PRMT8: variants seen among roughly 807,000 people sequenced by gnomAD.
PRMT8 encodes the protein protein arginine methyltransferase 8, also known as protein arginine N-methyltransferase 8.
Under a neutral mutation model 47.1 loss-of-function variants are expected in PRMT8, and 7 were observed. That is an observed-to-expected ratio of 0.15 (90% CI 0.08 to 0.28). The LOEUF (loss-of-function observed/expected upper bound fraction) is 0.28. PRMT8 is among the 10% of genes least tolerant of loss of function. The probability of loss-of-function intolerance (pLI) is 1.00; values close to 1 mark genes in which losing one functional copy is unlikely to be tolerated. For synonymous variants in PRMT8, 188 were observed against 186.5 expected (o/e 1.01, Z -0.07); for missense variants, 237 against 505.4 (o/e 0.47, Z 5.09).
At chr12:3,386,673 T>G (rs1254991321) in intron 1 of PRMT8, among the ~76,000 whole-genome samples, 2 of 152,186 alleles carry the variant, frequency 1.3e-5, no homozygotes, top group African/African-American at 2.4e-5. Flanking sequence ...CACACAGTGT[T>G]CATCAAGGTG....
intron 1 of PRMT8, among the ~76,000 whole-genome samples, chr12:3,440,144 T>C (rs770003568): frequency 1.7e-4 from 26 of 152,200 alleles, no homozygotes; most frequent in Non-Finnish European, 2.9e-4. Flanking sequence ...ACCTTGATAA[T>C]TGATGATTAT....
intron 2 of PRMT8, among the ~76,000 whole-genome samples, chr12:3,546,638 A>G (rs1459417068): frequency 1.3e-5 from 2 of 152,228 alleles, no homozygotes; most frequent in African/African-American, 4.8e-5. Context: ...ATGCATTGAA[A>G]GCTAAAATAA....
chr12:3,467,239 CAAAAAAAAA>C (rs10694948), intron 1 of PRMT8, among the ~76,000 whole-genome samples: 1 of 48,818 alleles, frequency 2.0e-5, no homozygotes, highest in Non-Finnish European at 3.1e-5. Flanking sequence ...GACTCCATCT[CAAAAAAAAA>C]AAAAAAAAAA....
rs67295103 is a variant in PRMT8, at chr12:3,563,928, G to GCC, written c.482-4773_482-4772dup. Among the ~76,000 whole-genome samples, 482 of 151,632 alleles carry GCC rather than the reference G, an allele frequency of 3.2e-3. 6 individuals are homozygous for GCC. The highest frequency in any genetic ancestry group is 0.015 in the East Asian group (77 of 5,118). ...AATATCTTTTGTCTCTTAACCCAAT[G>GCC]CCCCCCACCTTTTTTCCTTCAACAT... On this transcript the variant is annotated intron_variant, in intron 4 of 9. Transcript: ENST00000382622.
upstream of PRMT8, among the ~76,000 whole-genome samples, chr12:3,486,646 A>G (rs953625271): frequency 6.6e-6 from 1 of 152,178 alleles, no homozygotes; most frequent in Non-Finnish European, 1.5e-5. Context: ...CAGTAGAAAA[A>G]GCTAATTCTG....
At chr12:3,537,901 G>T (rs1866146391) in intron 1 of PRMT8, among the ~76,000 whole-genome samples, 2 of 152,100 alleles carry the variant, frequency 1.3e-5, no homozygotes, top group African/African-American at 4.8e-5. Flanking sequence ...GGCCCCTCCT[G>T]TGTGCTGCTA....
chr12:3,390,550 A>G (rs1864183652), intron 1 of PRMT8, among the ~76,000 whole-genome samples: 1 of 152,186 alleles, frequency 6.6e-6, no homozygotes, highest in Non-Finnish European at 1.5e-5. Flanking sequence ...CAGTAACCCT[A>G]ATAGTAGCTA....
chr12:3,456,056 C>G lies in PRMT8; in HGVS notation c.48+74614C>G, dbSNP rs1864970353. Among the ~76,000 whole-genome samples the G allele has an allele frequency of 6.6e-6, 1 of 152,184 alleles. No individual in the cohort carries two copies. Among genetic ancestry groups the G allele is most frequent in the African/African-American group, 2.4e-5 (1 of 41,434 alleles). On this transcript the variant is annotated intron_variant, in intron 1 of 9. Transcript: ENST00000452611. The surrounding 1 kb of genome is among the most constrained non-coding windows in gnomAD (Gnocchi z 4.2). The stretch of plus-strand genomic sequence containing the variant: ...GTAAAATGAGGATAGTAAGTCACAC[C>G]TCACAGGGAAACTGAGGCTGACGCA...
chr12:3,496,212 A>ATTTTTTTTTTTTTTTTTTTTT (rs1444249290), intron 1 of PRMT8, among the ~76,000 whole-genome samples: 4 of 19,394 alleles, frequency 2.1e-4, no homozygotes, highest in Admixed American at 7.6e-4. Context: ...ATATATATAT[A>ATTTTTTTTTTTTTTTTTTTTT]TATTTTTTTT....
chr12:3,532,429 G>A (rs1388927652), intron 1 of PRMT8, among the ~76,000 whole-genome samples: 1 of 150,140 alleles, frequency 6.7e-6, no homozygotes, highest in African/African-American at 2.4e-5. Context: ...GGCCAACATG[G>A]TGAAACCCCG....
chr12:3,425,936 T>C (rs1864599441), intron 1 of PRMT8, among the ~76,000 whole-genome samples: 1 of 152,248 alleles, frequency 6.6e-6, no homozygotes, highest in Non-Finnish European at 1.5e-5. Flanking sequence ...ACTGCATCCC[T>C]TCAGGTCTCC....
At chr12:3,432,751 C>A (rs1313045319) in intron 1 of PRMT8, among the ~76,000 whole-genome samples, 1 of 152,020 alleles carries the variant, frequency 6.6e-6, no homozygotes, top group African/African-American at 2.4e-5. Context: ...AGAAAAAATT[C>A]TTTTTTTGTG....
At chr12:3,520,323 A>G (rs1436475317) in intron 1 of PRMT8, among the ~76,000 whole-genome samples, 1 of 152,224 alleles carries the variant, frequency 6.6e-6, no homozygotes, top group Admixed American at 6.5e-5. Context: ...CCCATCAGGG[A>G]AGGAGCCACA....
chr12:3,545,266 A>G (rs1447843678), intron 2 of PRMT8, among the ~76,000 whole-genome samples: 2 of 152,194 alleles, frequency 1.3e-5, no homozygotes, highest in African/African-American at 4.8e-5. Flanking sequence ...TGGGATTTGA[A>G]TGCTCTAGAG....
chr12:3,462,674 T>C (rs1865054493), intron 1 of PRMT8: 1 of 151,980 alleles, frequency 6.6e-6, no homozygotes, highest in South Asian at 2.1e-4. Context: ...TCTGCTTTCG[T>C]TGAGTGTCAG....
At position 3,570,254 on chromosome 12, in the gene PRMT8, A is replaced by G. The variant is rs941592262; in HGVS notation, c.712+690A>G. On this transcript the variant is annotated intron_variant, in intron 6 of 9. Transcript: ENST00000382622. This position sits in a 1 kb window ranked among gnomAD's most constrained non-coding sequence, Gnocchi z 5.5. ...CCCCGCAATGTTTTACCTGGTCTGAAAAGGGCTGTTATCCTATTTCTCGTA... is the reference window on the plus strand; with the variant it reads ...CCCCGCAATGTTTTACCTGGTCTGAGAAGGGCTGTTATCCTATTTCTCGTA... Among the ~76,000 whole-genome samples, 1 of 152,194 alleles carries G rather than the reference A, an allele frequency of 6.6e-6. No individual in the cohort carries two copies. Among genetic ancestry groups the G allele is most frequent in the Non-Finnish European group, 1.5e-5 (1 of 68,032 alleles).
intron 1 of PRMT8, among the ~76,000 whole-genome samples, chr12:3,537,411 G>T (rs573441820): frequency 6.6e-6 from 1 of 152,106 alleles, no homozygotes; most frequent in Non-Finnish European, 1.5e-5. Context: ...AGCTCTCTAC[G>T]TATTAAGGGC....
chr12:3,419,806 C>T (rs929134529), intron 1 of PRMT8, among the ~76,000 whole-genome samples: 8 of 151,986 alleles, frequency 5.3e-5, no homozygotes, highest in African/African-American at 1.7e-4. Flanking sequence ...TCACAAGGCT[C>T]GCATCCTTTC....
intron 1 of PRMT8, among the ~76,000 whole-genome samples, chr12:3,513,151 A>G (rs1349000529): frequency 6.6e-6 from 1 of 152,192 alleles, no homozygotes; most frequent in Non-Finnish European, 1.5e-5. Flanking sequence ...ATAGAGATAG[A>G]GTGAAGCTGG....
Sources: allele counts gnomAD v4.1 joint callset (sites outside exome capture counted in the v4.1 genomes callset), GRCh38; gene constraint gnomAD v4.1.1; non-coding constraint Gnocchi (gnomAD v3.1); transcripts MANE v1.5; gene names NCBI Gene and HGNC (gene_info 2026-07-23, HGNC 2026-07-21).